SESTD1: variants seen among roughly 807,000 people sequenced by gnomAD.
SESTD1 encodes SEC14 and spectrin domain containing 1, also known as SEC14 domain and spectrin repeat-containing protein 1.
SESTD1 carries 43 observed loss-of-function variants against 101.7 expected under a neutral mutation model. That is an observed-to-expected ratio of 0.42 (90% CI 0.33 to 0.55). The LOEUF is 0.55. Ranked by LOEUF, SESTD1 falls within the 20% of genes least tolerant of loss-of-function variation. SESTD1 has a pLI of 0.07. For missense variants in SESTD1, 647 were observed against 815.1 expected, an observed-to-expected ratio of 0.79 and a Z score of 2.51; for synonymous variants, 283 against 286.8, an observed-to-expected ratio of 0.99 and a Z score of 0.13.
At chr2:179,137,653 A>T (rs2045179513) in intron 9 of SESTD1, among the ~76,000 whole-genome samples, 1 of 152,212 alleles carries the variant, frequency 6.6e-6, no homozygotes, top group Non-Finnish European at 1.5e-5. Flanking sequence ...AGTATGGAGA[A>T]TCTCTGCATA....
At chr2:179,133,377 G>A (rs545622791) in intron 9 of SESTD1, among the ~76,000 whole-genome samples, 3 of 152,248 alleles carry the variant, frequency 2.0e-5, no homozygotes, top group South Asian at 4.1e-4. Flanking sequence ...GCCTAGTAAC[G>A]TAGTTGACAT....
rs1383178541 is a variant in SESTD1 at position 179,108,761 on chromosome 2, G to A, written c.*1138C>T. ...AAAATACATAAAATTTAAATTATATGCATTTTACCATTTAAACTTAATACA... is the reference window on the plus strand; with the variant it reads ...AAAATACATAAAATTTAAATTATATACATTTTACCATTTAAACTTAATACA... On this transcript the variant is annotated 3_prime_UTR_variant, in exon 18 of 18. Transcript: ENST00000428443. 6.6e-6 allele frequency: 1 copy of A among 151,846 alleles called. No individual in the cohort carries two copies. Among genetic ancestry groups the A allele is most frequent in the Non-Finnish European group, 1.5e-5 (1 of 67,972 alleles). The allele number at this position is 151,846 out of a possible 1,614,324, so 9.4% of individuals were successfully genotyped here. A position where few individuals can be genotyped will look rare whatever the true frequency, so the allele number is the denominator to read the frequency against.
intron 13 of SESTD1, among the ~76,000 whole-genome samples, chr2:179,119,918 A>AG (rs1334590919): frequency 1.3e-5 from 2 of 152,164 alleles, no homozygotes; most frequent in Non-Finnish European, 2.9e-5. Context: ...GAGCCCATTA[A>AG]GCCTCTTTTC....
chr2:179,121,741 G>T, intron 13 of SESTD1, 29 bp downstream of exon 13: 2 of 1,521,312 alleles, frequency 1.3e-6, no homozygotes, highest in Non-Finnish European at 8.8e-7. Context: ...TATTATTTTA[G>T]TAAAAAGTAA....
At chr2:179,245,483 T>A (rs1191173951) in intron 1 of SESTD1, among the ~76,000 whole-genome samples, 1 of 140,912 alleles carries the variant, frequency 7.1e-6, no homozygotes, top group Non-Finnish European at 1.5e-5. Context: ...GCCACAGCAC[T>A]TTAGCCTGGG....
At chr2:179,143,442 G>T in intron 9 of SESTD1, 150 bp downstream of exon 9, 1 of 600,252 alleles carries the variant, frequency 1.7e-6, no homozygotes, top group Non-Finnish European at 2.8e-6. Context: ...AATACTATTT[G>T]TAAAACAATA....
intron 9 of SESTD1, among the ~76,000 whole-genome samples, chr2:179,143,105 A>G (rs1419474945): frequency 6.6e-6 from 1 of 152,084 alleles, no homozygotes; most frequent in Non-Finnish European, 1.5e-5. Context: ...ATAAAAATAA[A>G]GTTTAAAAGA....
rs969085002 is a variant in SESTD1, at chr2:179,105,039, G to C, written c.*4860C>G. The C allele has an allele frequency of 6.6e-6, 1 of 151,976 alleles. No individual in the cohort carries two copies. Among genetic ancestry groups the C allele is most frequent in the Non-Finnish European group, 1.5e-5 (1 of 67,988 alleles). The allele number at this position is 151,976 out of a possible 1,614,324, so 9.4% of individuals were successfully genotyped here. On this transcript the variant is annotated 3_prime_UTR_variant, in exon 18 of 18. Coordinates refer to ENST00000428443, the MANE Select transcript of SESTD1 (RefSeq NM_178123.5). Reference sequence around the variant, plus strand: ...CTCCCCTGTATTTATGCCAGCTCACGGAGTGTCCTTAGTTCTATGCCTCTA... The same window carrying C: ...CTCCCCTGTATTTATGCCAGCTCACCGAGTGTCCTTAGTTCTATGCCTCTA...
At chr2:179,168,518 C>A (rs76399401) in intron 5 of SESTD1, among the ~76,000 whole-genome samples, 15,175 of 151,224 alleles carry the variant, frequency 0.1, 2,497 homozygotes, top group African/African-American at 0.35. Context: ...GATTAAAGTG[C>A]TGAAAGACAA....
chr2:179,198,373 A>G (rs1368727174), intron 1 of SESTD1, among the ~76,000 whole-genome samples: 2 of 152,312 alleles, frequency 1.3e-5, no homozygotes, highest in East Asian at 3.9e-4. Flanking sequence ...TTAACACCCC[A>G]CTGTCAACAT....
Position 179,212,749 on chromosome 2 carries a change from C to T in SESTD1, c.-25-20883G>A, listed in dbSNP as rs1343190158. 3.7e-5 allele frequency among the ~76,000 whole-genome samples: 5 copies of T among 134,838 alleles called. 1 individual carries two copies. Among genetic ancestry groups the T allele is most frequent in the Non-Finnish European group, 8.0e-5 (5 of 62,668 alleles). The allele number at this position is 134,838 out of a possible 152,430, so 88.5% of individuals were successfully genotyped here. ...ACACCTCCCAGTAGCAGCCCAAAGA[C>T]ACCTTGTACAGGTGGGTGCTCCTCT... On this transcript the variant is annotated intron_variant, in intron 1 of 17. Transcript: ENST00000428443.
At chr2:179,261,095 A>G (rs1396408154) in intron 1 of SESTD1, among the ~76,000 whole-genome samples, 1 of 152,224 alleles carries the variant, frequency 6.6e-6, no homozygotes, top group Non-Finnish European at 1.5e-5. Context: ...CGGCTATGCT[A>G]TTAAGAAGCT....
intron 5 of SESTD1, among the ~76,000 whole-genome samples, chr2:179,168,803 T>C (rs766707661): frequency 1.3e-5 from 2 of 152,188 alleles, no homozygotes; most frequent in Non-Finnish European, 2.9e-5. Context: ...AGCAAAAAAA[T>C]GCAGCAATGT....
rs188834754 is a variant in SESTD1 at position 179,163,453 on chromosome 2, T to C, written c.369+8667A>G. Among the ~76,000 whole-genome samples the C allele has an allele frequency of 6.6e-5, 10 of 152,074 alleles. No homozygotes were observed. In the East Asian group the frequency reaches 1.9e-3, roughly 29 times the overall value. ...TTACTAGTTGCGTTCAAAGTAGCTA[T>C]CATTTTACTAAGCAGAAATCTAAAT... is the stretch of plus-strand genomic sequence containing the variant. On this transcript the variant is annotated intron_variant, in intron 5 of 17. Transcript: ENST00000428443.
chr2:179,164,809 C>T (rs1349713829), intron 5 of SESTD1, among the ~76,000 whole-genome samples: 1 of 152,024 alleles, frequency 6.6e-6, no homozygotes, highest in Non-Finnish European at 1.5e-5. Flanking sequence ...CCAAAATGAC[C>T]ACTGGGTGTA....
At chr2:179,216,333 A>G (rs962778316) in intron 1 of SESTD1, among the ~76,000 whole-genome samples, 4 of 135,194 alleles carry the variant, frequency 3.0e-5, no homozygotes, top group African/African-American at 8.8e-5. Flanking sequence ...GCCCTTCTAT[A>G]CACCAATAAC....
chr2:179,235,864 T>C (rs946625963), intron 1 of SESTD1, among the ~76,000 whole-genome samples: 1 of 152,204 alleles, frequency 6.6e-6, no homozygotes, highest in Non-Finnish European at 1.5e-5. Context: ...GAACTTGCAA[T>C]ACTGTTTCAC....
At chr2:179,117,884 C>A (rs1379026692) in intron 13 of SESTD1, among the ~76,000 whole-genome samples, 1 of 152,044 alleles carries the variant, frequency 6.6e-6, no homozygotes, top group Non-Finnish European at 1.5e-5. Context: ...AATGTAAGGA[C>A]AATAGTACAC....
At chr2:179,116,164 C>T (rs1001532981) in intron 15 of SESTD1, among the ~76,000 whole-genome samples, 3 of 151,840 alleles carry the variant, frequency 2.0e-5, no homozygotes, top group South Asian at 2.1e-4. Context: ...ATCCCAGCTA[C>T]GCAGGTGGCT....
Sources: allele counts gnomAD v4.1 joint callset (sites outside exome capture counted in the v4.1 genomes callset), GRCh38; gene constraint gnomAD v4.1.1; transcripts MANE v1.5; gene names NCBI Gene and HGNC (gene_info 2026-07-23, HGNC 2026-07-21).